The following ATRNL1 variants were observed in gnomAD, a reference collection of about 807,000 sequenced individuals.
ATRNL1 encodes attractin-like protein 1.
In ATRNL1, 95 loss-of-function variants were observed where a neutral mutation model predicts 182.7. That is an observed-to-expected ratio of 0.52 (90% CI 0.44 to 0.62). The LOEUF is 0.62. ATRNL1 is among the 20% of genes least tolerant of loss of function. The pLI is 0.00. For synonymous variants in ATRNL1, 576 were observed against 568.3 expected (o/e 1.01, Z -0.19); for missense variants, 1,471 against 1,679.5 (o/e 0.88, Z 2.17).
intron 21 of ATRNL1, among the ~76,000 whole-genome samples, chr10:115,455,272 G>A (rs1414669111): frequency 6.6e-6 from 1 of 151,894 alleles, no homozygotes; most frequent in Non-Finnish European, 1.5e-5. Flanking sequence ...CTTTTAATGT[G>A]TTGTTGAACT....
At position 115,389,570 on chromosome 10, in the gene ATRNL1, A is replaced by G. The variant is rs1419770512; in HGVS notation, c.3176-5089A>G. ...TATATATATATATATATATATATAT[A>G]TATATATATATATATATATATTTCA... is the stretch of plus-strand genomic sequence containing the variant. On this transcript the variant is annotated intron_variant, in intron 19 of 28. Coordinates refer to ENST00000355044, the MANE Select transcript of ATRNL1 (RefSeq NM_207303.4). Among the ~76,000 whole-genome samples the G allele has an allele frequency of 4.8e-4, 56 of 115,968 alleles. 2 individuals are homozygous for G. The highest frequency in any genetic ancestry group is 1.1e-3 in the South Asian group (4 of 3,688). The allele number at this position is 115,968 out of a possible 152,430, so 76.1% of individuals were successfully genotyped here.
chr10:115,898,321 A>G (rs1952260348), intron 28 of ATRNL1, among the ~76,000 whole-genome samples: 2 of 152,204 alleles, frequency 1.3e-5, no homozygotes, highest in Non-Finnish European at 2.9e-5. Flanking sequence ...TTACTTTAAA[A>G]TTAATTAATC....
At chr10:115,723,867 T>C (rs1239018289) in intron 26 of ATRNL1, among the ~76,000 whole-genome samples, 1 of 152,210 alleles carries the variant, frequency 6.6e-6, no homozygotes, top group African/African-American at 2.4e-5. Flanking sequence ...TTTCATATCA[T>C]TTTTAATTCC....
At chr10:115,666,314 A>G (rs782761584) in intron 26 of ATRNL1, among the ~76,000 whole-genome samples, 1 of 152,104 alleles carries the variant, frequency 6.6e-6, no homozygotes, top group African/African-American at 2.4e-5. Flanking sequence ...TTCATTGTGT[A>G]TCATGTTTTG....
At chr10:115,177,922 T>G (rs1564799945) in intron 8 of ATRNL1, among the ~76,000 whole-genome samples, 2 of 120,502 alleles carry the variant, frequency 1.7e-5, no homozygotes, top group Non-Finnish European at 3.5e-5. Context: ...GTTTTTTTTT[T>G]TGTTTTTTTT....
chr10:115,301,805 G>A (rs913898560), intron 16 of ATRNL1, 50 bp from the exon 17 acceptor site: 1 of 1,457,136 alleles, frequency 6.9e-7, no homozygotes, highest in East Asian at 2.5e-5. Flanking sequence ...ATACAATTGT[G>A]TTAACATGAA....
chr10:115,446,466 T>G (rs527690416), intron 21 of ATRNL1, among the ~76,000 whole-genome samples: 5 of 152,000 alleles, frequency 3.3e-5, no homozygotes, highest in African/African-American at 1.2e-4. Context: ...AGTCAGTGTT[T>G]TTTAGATTTT....
chr10:115,583,705 A>G (rs1855291205), intron 26 of ATRNL1, among the ~76,000 whole-genome samples: 1 of 149,658 alleles, frequency 6.7e-6, no homozygotes, highest in Admixed American at 6.7e-5. Context: ...AACGGGGACA[A>G]TTTGACTTCC....
chr10:115,373,410 T>C (rs1283975759), intron 19 of ATRNL1, among the ~76,000 whole-genome samples: 1 of 152,060 alleles, frequency 6.6e-6, no homozygotes. Context: ...TGAATAGAAG[T>C]GGTGAGTGTC....
At chr10:115,520,869 T>G (rs923300604) in intron 25 of ATRNL1, among the ~76,000 whole-genome samples, 1 of 152,230 alleles carries the variant, frequency 6.6e-6, no homozygotes, top group Non-Finnish European at 1.5e-5. Flanking sequence ...AAAACAATCA[T>G]GTTCATCCAT....
intron 24 of ATRNL1, among the ~76,000 whole-genome samples, chr10:115,492,760 C>G (rs1554976984): frequency 1.3e-5 from 2 of 151,314 alleles, no homozygotes; most frequent in Non-Finnish European, 2.9e-5. Flanking sequence ...TCTCCTGCCT[C>G]AGCCTCCTGA....
At chr10:115,285,943 A>G (rs1852590856) in intron 14 of ATRNL1, among the ~76,000 whole-genome samples, 1 of 152,064 alleles carries the variant, frequency 6.6e-6, no homozygotes. Context: ...ATGCCAATAT[A>G]CCAGATGTTA....
chr10:115,684,183 G>T (rs932322353), intron 26 of ATRNL1, among the ~76,000 whole-genome samples: 1 of 151,180 alleles, frequency 6.6e-6, no homozygotes, highest in Non-Finnish European at 1.5e-5. Flanking sequence ...ATTAGCAAGG[G>T]CTTATAATTT....
intron 13 of ATRNL1, among the ~76,000 whole-genome samples, chr10:115,273,526 A>G (rs1214054229): frequency 6.6e-6 from 1 of 152,118 alleles, no homozygotes; most frequent in African/African-American, 2.4e-5. Flanking sequence ...ACATAATTGC[A>G]CATCTGGCCA....
chr10:115,213,629 G>T (rs1849114253), intron 8 of ATRNL1, among the ~76,000 whole-genome samples: 1 of 151,900 alleles, frequency 6.6e-6, no homozygotes, highest in Admixed American at 6.6e-5. Context: ...TCTGTGGGGG[G>T]AGCAGGGAAA....
At chr10:115,903,900 TTTAGTGCG>T (rs1334335830) in intron 28 of ATRNL1, among the ~76,000 whole-genome samples, 3 of 152,136 alleles carry the variant, frequency 2.0e-5, no homozygotes, top group African/African-American at 7.2e-5. Context: ...CCTAAGATTT[TTTAGTGCG>T]TTAGTTCAGG....
chr10:115,883,029 C>T (rs1296807137), intron 28 of ATRNL1, among the ~76,000 whole-genome samples: 1 of 152,186 alleles, frequency 6.6e-6, no homozygotes, highest in African/African-American at 2.4e-5. Context: ...ATCAGGGGAA[C>T]AGATGCCAGT....
intron 5 of ATRNL1, among the ~76,000 whole-genome samples, chr10:115,155,202 G>A (rs568065020): frequency 2.0e-5 from 3 of 151,598 alleles, no homozygotes; most frequent in South Asian, 2.1e-4. Flanking sequence ...CAGGTGGTAT[G>A]AGTTTCCTGC....
chr10:115,215,590 C>T, intron 8 of ATRNL1, 107 bp from the exon 9 acceptor site: 1 of 848,806 alleles, frequency 1.2e-6, no homozygotes, highest in Non-Finnish European at 1.8e-6. Context: ...ACAATGTTTA[C>T]TCATAAAAAT....
Sources: allele counts gnomAD v4.1 joint callset (sites outside exome capture counted in the v4.1 genomes callset), GRCh38; gene constraint gnomAD v4.1.1; transcripts MANE v1.5; gene names NCBI Gene and HGNC (gene_info 2026-07-23, HGNC 2026-07-21).